The following TTC28 variants were observed in gnomAD, a reference collection of about 807,000 sequenced individuals.
TTC28 encodes tetratricopeptide repeat domain 28.
Under a neutral mutation model 198.0 loss-of-function variants are expected in TTC28, and 61 were observed. That is an observed-to-expected ratio of 0.31 (90% CI 0.25 to 0.38). TTC28 has a LOEUF of 0.38. Among genes scored for constraint, TTC28 ranks in the 10% least tolerant of loss-of-function variants. TTC28 has a pLI of 1.00. For synonymous variants in TTC28, 1,171 were observed against 1,297.8 expected (o/e 0.90, Z 2.10); for missense variants, 2,678 against 3,164.0 (o/e 0.85, Z 3.69).
At chr22:27,989,155 T>A (rs1049533715) in intron 21 of TTC28, among the ~76,000 whole-genome samples, 1 of 152,158 alleles carries the variant, frequency 6.6e-6, no homozygotes, top group Admixed American at 6.5e-5. Flanking sequence ...CAGCAATATG[T>A]CAGGAGTCAC....
In TTC28 at chr22:28,137,397, C is replaced by T. The variant is rs138148888; in HGVS notation, c.1441+25695G>A. 9.8e-5 allele frequency among the ~76,000 whole-genome samples: 15 copies of T among 152,290 alleles called. No individual in the cohort carries two copies. In the Middle Eastern group the frequency reaches 0.01, roughly 104 times the overall value. ...ACTGACCTCTCTCTCTCTGCCTTTCCTCTCTCGCTTCTCAGAAGCGTACAG... is the reference window on the plus strand; with the variant it reads ...ACTGACCTCTCTCTCTCTGCCTTTCTTCTCTCGCTTCTCAGAAGCGTACAG... On this transcript the variant is annotated intron_variant, in intron 6 of 22. Transcript: ENST00000397906.
rs184484721 is a variant in TTC28 at position 28,498,807 on chromosome 22, G to A, written c.381+130745C>T. ...ATTCACCATATGGGCAGTTCCAGTT[G>A]TAAACTTCTGTAAGAAATGTAGAGA... On this transcript the variant is annotated intron_variant, in intron 2 of 22. Coordinates refer to ENST00000397906, the MANE Select transcript of TTC28 (RefSeq NM_001145418.2). Among the ~76,000 whole-genome samples the A allele has an allele frequency of 1.3e-3, 198 of 152,266 alleles. 2 individuals are homozygous for A. Among genetic ancestry groups the A allele is most frequent in the Non-Finnish European group, 2.4e-3 (163 of 68,012 alleles).
chr22:28,607,415 C>T (rs1214993326), intron 2 of TTC28, among the ~76,000 whole-genome samples: 1 of 152,138 alleles, frequency 6.6e-6, no homozygotes, highest in African/African-American at 2.4e-5. Flanking sequence ...GAAAGCATCA[C>T]TTTTTTACAT....
At chr22:28,040,950 ACAGC>A (rs1939608177) in intron 12 of TTC28, among the ~76,000 whole-genome samples, 1 of 152,196 alleles carries the variant, frequency 6.6e-6, no homozygotes, top group Admixed American at 6.5e-5. Context: ...TAATAGACAA[ACAGC>A]CAAATCTTGA....
At position 28,212,453 on chromosome 22, in the gene TTC28, C is replaced by T. The variant is rs537213156; in HGVS notation, c.934-48854G>A. Among the ~76,000 whole-genome samples the T allele has an allele frequency of 1.1e-3, 146 of 135,528 alleles. 11 individuals carry two copies. The highest frequency in any genetic ancestry group is 3.5e-3 in the African/African-American group (139 of 40,088). The allele number at this position is 135,528 out of a possible 152,430, so 88.9% of individuals were successfully genotyped here. On this transcript the variant is annotated intron_variant, in intron 5 of 22. Transcript: ENST00000397906. ...AAAATAATAAAGGGGATATCACCAC[C>T]GATCCCACAGAAATACAAACTACCA...
intron 5 of TTC28, among the ~76,000 whole-genome samples, chr22:28,189,104 T>C (rs543202800): frequency 2.0e-5 from 3 of 152,234 alleles, no homozygotes; most frequent in Non-Finnish European, 4.4e-5. Context: ...TCCCAGCACT[T>C]TGGGAGGCTG....
chr22:28,578,886 C>T, intron 2 of TTC28, among the ~76,000 whole-genome samples: 1 of 152,010 alleles, frequency 6.6e-6, no homozygotes, highest in East Asian at 1.9e-4. Flanking sequence ...ATTGTCTATC[C>T]CAGCTATTGG....
Position 28,163,522 on chromosome 22 carries a change from G to T in TTC28, c.1011C>A (p.His337Gln), listed in dbSNP as rs989746853. 6.4e-7 allele frequency: 1 copy of T among 1,551,650 alleles called. No homozygotes were observed. Among genetic ancestry groups the T allele is most frequent in the African/African-American group, 1.4e-5 (1 of 73,048 alleles). Reference sequence around the variant, plus strand: ...GCTTGGCAAGAAGAACACACTGTTTGTGACTGGCCAGTGCATTGGGGTAGT... The same window carrying T: ...GCTTGGCAAGAAGAACACACTGTTTTTGACTGGCCAGTGCATTGGGGTAGT... ...IGDYPNALAS[H>Q]KQCVLLAKQS... Residue 337 changes from histidine (H) to glutamine (Q), a missense_variant, in exon 6 of 23, where the codon CAC becomes CAA. His to Gln is a conservative substitution (Grantham distance 24, BLOSUM62 0). Coordinates refer to ENST00000397906, the MANE Select transcript of TTC28 (RefSeq NM_001145418.2).
At chr22:28,442,687 C>T (rs1568946186) in intron 2 of TTC28, among the ~76,000 whole-genome samples, 1 of 152,234 alleles carries the variant, frequency 6.6e-6, no homozygotes, top group African/African-American at 2.4e-5. Flanking sequence ...GAAGGAAAAA[C>T]TTAAAGGGCA....
At position 28,163,229 on chromosome 22, in the gene TTC28, C is replaced by G; in HGVS notation, c.1304G>C (p.Arg435Pro). Residue 435 changes from arginine (R) to proline (P), a missense_variant, in exon 6 of 23, where the codon CGG becomes CCG. Physicochemically the swap from Arg to Pro is moderately radical, Grantham distance 103 (BLOSUM62 -2). This residue lies in a region of TTC28 where 775 missense variants were observed against 845.9 expected (regional missense o/e 0.92). Coordinates refer to ENST00000397906, the MANE Select transcript of TTC28 (RefSeq NM_001145418.2). ...QELMEKAIEM[R>P]AYAGLGHAAR... ...AGCATGGCCTAGTCCAGCATAGGCC[C>G]GCATCTCAATAGCCTTCTCCATCAA... 1 of 1,551,744 alleles carries G rather than the reference C, an allele frequency of 6.4e-7. No individual in the cohort carries two copies. The highest frequency in any genetic ancestry group is 8.7e-7 in the Non-Finnish European group (1 of 1,147,016).
intron 12 of TTC28, among the ~76,000 whole-genome samples, chr22:28,070,249 C>T (rs909567273): frequency 2.6e-5 from 4 of 152,102 alleles, no homozygotes; most frequent in African/African-American, 4.8e-5. Context: ...AATCTCTGCC[C>T]TCAATGGGCC....
chr22:28,273,927 T>C (rs547217205), intron 5 of TTC28, among the ~76,000 whole-genome samples: 1 of 152,210 alleles, frequency 6.6e-6, no homozygotes, highest in Non-Finnish European at 1.5e-5. Context: ...CCCAAAAGAA[T>C]ACATAAATAG....
chr22:28,513,502 G>A (rs1168296318), intron 2 of TTC28, among the ~76,000 whole-genome samples: 1 of 152,150 alleles, frequency 6.6e-6, no homozygotes, highest in Non-Finnish European at 1.5e-5. Context: ...CACTTGGAAG[G>A]CTGAGGCAGG....
intron 12 of TTC28, among the ~76,000 whole-genome samples, chr22:28,055,501 G>A (rs1033621011): frequency 2.0e-5 from 3 of 152,106 alleles, no homozygotes. Context: ...AGATTTAGAT[G>A]AATAGAAGAA....
intron 1 of TTC28, among the ~76,000 whole-genome samples, chr22:28,648,058 C>T (rs2051500148): frequency 6.7e-6 from 1 of 149,050 alleles, no homozygotes; most frequent in South Asian, 2.2e-4. Flanking sequence ...CCCCGTCTCT[C>T]CCAAAAATAC....
At chr22:28,492,138 C>T (rs1267863895) in intron 2 of TTC28, among the ~76,000 whole-genome samples, 1 of 151,978 alleles carries the variant, frequency 6.6e-6, no homozygotes, top group Non-Finnish European at 1.5e-5. Context: ...GGAGGGATAG[C>T]ATTAGGAGAT....
At chr22:28,426,638 C>T (rs1204776741) in intron 2 of TTC28, among the ~76,000 whole-genome samples, 2 of 152,112 alleles carry the variant, frequency 1.3e-5, no homozygotes, top group African/African-American at 4.8e-5. Flanking sequence ...TCTATTTTGA[C>T]AAGACTTAGA....
At chr22:28,064,090 G>C (rs1006209459) in intron 12 of TTC28, among the ~76,000 whole-genome samples, 1 of 152,182 alleles carries the variant, frequency 6.6e-6, no homozygotes, top group African/African-American at 2.4e-5. Context: ...AATAGGATAA[G>C]CATGGCAGAC....
intron 5 of TTC28, among the ~76,000 whole-genome samples, chr22:28,216,561 G>C (rs1927420034): frequency 6.6e-6 from 1 of 152,060 alleles, no homozygotes. Flanking sequence ...TTACATGACA[G>C]TCTCATTTAC....
Sources: allele counts gnomAD v4.1 joint callset (sites outside exome capture counted in the v4.1 genomes callset), GRCh38; gene constraint gnomAD v4.1.1; regional missense constraint gnomAD v4.1.1; transcripts MANE v1.5; gene names NCBI Gene and HGNC (gene_info 2026-07-23, HGNC 2026-07-21).